Variants in FLT1 observed in about 807,000 individuals in gnomAD.
FLT1 encodes vascular endothelial growth factor receptor 1.
Under a neutral mutation model 156.3 loss-of-function variants are expected in FLT1, and 49 were observed. The ratio of observed to expected loss-of-function variants is 0.31; its 90% CI spans 0.25 to 0.40. The LOEUF is 0.40. FLT1 is among the 10% of genes least tolerant of loss of function. FLT1 has a pLI of 1.00. For synonymous variants in FLT1, 594 were observed against 583.8 expected (o/e 1.02, Z -0.25); for missense variants, 1,322 against 1,637.2 (o/e 0.81, Z 3.32).
Position 28,308,351 on chromosome 13 carries a change from A to G in FLT1, c.3720+492T>C, listed in dbSNP as rs547503098. ...AGAGCTGGGAGACCTCTTGTTTGCC[A>G]GGCTATACTGGTTAGCTTCTCCCAT... On this transcript the variant is annotated intron_variant, in intron 28 of 29. Transcript: ENST00000282397. The G allele has an allele frequency of 2.0e-4, 42 of 205,872 alleles. 1 individual carries two copies. The East Asian group carries it at 4.0e-3, about 20-fold the overall frequency. 12.8% of individuals were successfully genotyped at this position (205,872 alleles called of 1,614,324 possible).
chr13:28,440,855 A>G (rs1878297828), intron 3 of FLT1, among the ~76,000 whole-genome samples: 1 of 152,100 alleles, frequency 6.6e-6, no homozygotes, highest in African/African-American at 2.4e-5. Context: ...TATTATTATG[A>G]CTCATTTGAA....
At chr13:28,477,612 AACACTCTTT>A (rs1566053813) in intron 1 of FLT1, among the ~76,000 whole-genome samples, 1 of 152,166 alleles carries the variant, frequency 6.6e-6, no homozygotes, top group Non-Finnish European at 1.5e-5. Flanking sequence ...GAACAGAGAA[AACACTCTTT>A]ACACCCTAAA....
chr13:28,419,684 TC>T (rs1334577751), intron 10 of FLT1, among the ~76,000 whole-genome samples: 6 of 152,150 alleles, frequency 3.9e-5, no homozygotes, highest in Non-Finnish European at 8.8e-5. Flanking sequence ...TCGAGACCAT[TC>T]TCGCTAACAT....
chr13:28,467,763 C>T (rs1879932912), intron 1 of FLT1, 146 bp from the exon 2 acceptor site: 4 of 601,912 alleles, frequency 6.6e-6, no homozygotes, highest in East Asian at 5.6e-5. Context: ...GCAAAAGATA[C>T]ACTAATACAA....
At chr13:28,471,322 A>G (rs1467075707) in intron 1 of FLT1, among the ~76,000 whole-genome samples, 1 of 152,216 alleles carries the variant, frequency 6.6e-6, no homozygotes, top group Non-Finnish European at 1.5e-5. Context: ...CATAAAGGTT[A>G]TTGGAGGTGT....
At chr13:28,317,333 A>G (rs1028153295) in intron 25 of FLT1, among the ~76,000 whole-genome samples, 165 bp downstream of exon 25, 1 of 152,236 alleles carries the variant, frequency 6.6e-6, no homozygotes, top group African/African-American at 2.4e-5. Context: ...AAACACTCCC[A>G]GCATATCTGG....
chr13:28,373,803 G>GCC (rs1329345922), intron 14 of FLT1, among the ~76,000 whole-genome samples: 1 of 152,152 alleles, frequency 6.6e-6, no homozygotes, highest in Non-Finnish European at 1.5e-5. Flanking sequence ...GCCTCTGAGA[G>GCC]ATCTCTGGGA....
rs756290512 is a variant in FLT1, at chr13:28,467,548, G to T, written c.134C>A (p.Ala45Glu). Reference sequence around the variant, plus strand: ...GCATTGGAGATGCAGTGTCTGGCCTGCTTGCATGATGTGCTGGGTGCCTTT... The same window carrying T: ...GCATTGGAGATGCAGTGTCTGGCCTTCTTGCATGATGTGCTGGGTGCCTTT... ...SLKGTQHIMQ[A>E]GQTLHLQCRG... The change falls in exon 2 of 30, where the codon GCA (alanine) becomes GAA (glutamate). Residue 45 changes from alanine to glutamate, a missense_variant. Physicochemically the swap from Ala to Glu is moderately radical, Grantham distance 107. Around this residue, in one of 3 missense-constraint regions of FLT1, gnomAD observed 991 missense variants for 1,254.8 expected, o/e 0.79. Transcript: ENST00000282397. 2.5e-6 allele frequency: 4 copies of T among 1,610,012 alleles called. No homozygotes were observed. The highest frequency in any genetic ancestry group is 2.5e-6 in the Non-Finnish European group (3 of 1,177,598).
At position 28,358,471 on chromosome 13, in the gene FLT1, A is replaced by G. The variant is rs188903416; in HGVS notation, c.2117-786T>C. ...CATGGTACATAGTAAGTGCTCAGTA[A>G]ATGTAAGCTTAAGGATTACTACAGA... On this transcript the variant is annotated intron_variant, in intron 14 of 29. Coordinates refer to ENST00000282397, the MANE Select transcript of FLT1 (RefSeq NM_002019.4). 2.3e-4 allele frequency among the ~76,000 whole-genome samples: 35 copies of G among 152,332 alleles called. 1 individual carries two copies. The highest frequency in any genetic ancestry group is 1.8e-3 in the Admixed American group (28 of 15,302).
chr13:28,436,162 C>CTG (rs1878011981), intron 4 of FLT1, among the ~76,000 whole-genome samples: 1 of 152,184 alleles, frequency 6.6e-6, no homozygotes, highest in Non-Finnish European at 1.5e-5. Flanking sequence ...CAGTCAAAGA[C>CTG]TGTAGCCCAT....
intron 29 of FLT1, among the ~76,000 whole-genome samples, chr13:28,305,649 C>T (rs927157413): frequency 7.9e-5 from 12 of 152,188 alleles, no homozygotes; most frequent in Admixed American, 4.6e-4. Context: ...GTATTGTCTA[C>T]GGTTGCTTTT....
At chr13:28,363,734 C>A (rs1873191312) in intron 14 of FLT1, among the ~76,000 whole-genome samples, 1 of 152,068 alleles carries the variant, frequency 6.6e-6, no homozygotes, top group Admixed American at 6.6e-5. Flanking sequence ...CTCTCTCAGC[C>A]TCCCAAGTAG....
At chr13:28,398,913 C>T in intron 11 of FLT1, 1 of 661,570 alleles carries the variant, frequency 1.5e-6, no homozygotes. Flanking sequence ...GCAAATAATC[C>T]ATGGGAAAGT....
intron 3 of FLT1, among the ~76,000 whole-genome samples, chr13:28,457,933 CTTTT>C (rs894090277): frequency 4.4e-5 from 5 of 114,204 alleles, no homozygotes; most frequent in African/African-American, 1.1e-4. Flanking sequence ...CTTTCCTTTT[CTTTT>C]TTTTTTTTTT....
intron 15 of FLT1, 124 bp downstream of exon 15, chr13:28,357,430 A>G (rs1038257337): frequency 1.1e-4 from 101 of 936,044 alleles, no homozygotes; most frequent in East Asian, 4.0e-4. Context: ...GGGAGAGGGG[A>G]GAAGGAGGTC....
intron 14 of FLT1, among the ~76,000 whole-genome samples, chr13:28,373,962 TG>T (rs772049604): frequency 6.6e-6 from 1 of 152,196 alleles, no homozygotes; most frequent in Non-Finnish European, 1.5e-5. Flanking sequence ...ATCTTGGCCA[TG>T]TTCAAAGTAC....
intron 19 of FLT1, 152 bp from the exon 20 acceptor site, chr13:28,327,702 C>T (rs1593683533): frequency 6.8e-6 from 4 of 592,360 alleles, no homozygotes; most frequent in Non-Finnish European, 9.3e-6. Flanking sequence ...CCCATGAATA[C>T]GGTGACTTTT....
chr13:28,448,600 G>C (rs1878744536), intron 3 of FLT1, among the ~76,000 whole-genome samples: 1 of 151,760 alleles, frequency 6.6e-6, no homozygotes, highest in Admixed American at 6.6e-5. Context: ...GTTTAGGGCT[G>C]GGGGGATAAG....
intron 3 of FLT1, among the ~76,000 whole-genome samples, chr13:28,440,544 A>G (rs1878278730): frequency 6.6e-6 from 1 of 152,216 alleles, no homozygotes. Flanking sequence ...TAAGTGCCTC[A>G]TGGTACTGCA....
Sources: gnomAD v4.1 joint callset for allele counts (sites outside exome capture counted in the v4.1 genomes callset) on GRCh38, gnomAD v4.1.1 for gene constraint, gnomAD v4.1.1 regional missense constraint, MANE v1.5 for transcripts, NCBI Gene and HGNC (gene_info 2026-07-23, HGNC 2026-07-21) for gene names.